METTL3: variants seen among roughly 807,000 people sequenced by gnomAD.
METTL3 encodes N(6)-adenosine-methyltransferase catalytic subunit METTL3.
In METTL3, 42 loss-of-function variants were observed where a neutral mutation model predicts 64.3. The observed-to-expected ratio is 0.65, with a 90% CI of 0.51 to 0.84. The LOEUF (loss-of-function observed/expected upper bound fraction) is 0.84, where lower values mean the gene tolerates loss of function less well. Among genes scored for constraint, METTL3 ranks in the 40% least tolerant of loss-of-function variants. The probability of loss-of-function intolerance (pLI) is 0.00; values close to 1 mark genes in which losing one functional copy is unlikely to be tolerated. For synonymous variants in METTL3, 256 were observed against 263.6 expected, an observed-to-expected ratio of 0.97 and a Z score of 0.28; for missense variants, 435 against 722.3, an observed-to-expected ratio of 0.60 and a Z score of 4.56.
intron 2 of METTL3, 23 bp downstream of exon 2, chr14:21,503,641 T>G: frequency 6.2e-7 from 1 of 1,614,032 alleles, no homozygotes; most frequent in Non-Finnish European, 8.5e-7. Context: ...AAGTGGTAAA[T>G]CCTAACTCTG....
At chr14:21,501,570 A>T in intron 4 of METTL3, 158 bp downstream of exon 4, 1 of 888,608 alleles carries the variant, frequency 1.1e-6, no homozygotes, top group Non-Finnish European at 1.7e-6. Context: ...CTTCCCACAC[A>T]ATGCACTTCT....
chr14:21,501,993 C>A, intron 3 of METTL3, 90 bp from the exon 4 acceptor site: 303 of 892,208 alleles, frequency 3.4e-4, no homozygotes, highest in Non-Finnish European at 4.9e-4. Flanking sequence ...ACATTAATGT[C>A]TTCTAAGAGA....
Position 21,498,295 on chromosome 14 carries a change from T to C in METTL3, c.1706A>G (p.Tyr569Cys). The C allele has an allele frequency of 6.2e-7, 1 of 1,613,450 alleles. No individual in the cohort carries two copies. The highest frequency in any genetic ancestry group is 8.5e-7 in the Non-Finnish European group (1 of 1,179,324). The part of the protein sequence containing the change: ...PDVVARFKQR[Y>C]PDGIISKPKN... ...AGGTTTAGAGATGATACCATCTGGG[T>C]ACCTTTGCTTGAACCGTGCAACCAC... Residue 569 changes from tyrosine to cysteine, a missense_variant, in exon 11 of 11, where the codon TAC becomes TGC. Tyr to Cys is a radical substitution (Grantham distance 194). Coordinates refer to ENST00000298717, the MANE Select transcript of METTL3 (RefSeq NM_019852.5).
Position 21,510,955 on chromosome 14 carries a change from A to G in METTL3, c.100+169T>C, listed in dbSNP as rs1891820548. The stretch of plus-strand genomic sequence containing the variant: ...CCAGCGTGAGGAGGAACCGCGAACT[A>G]CTTGCAGAAGGGCGAACGTCTGCTG... On this transcript the variant is annotated intron_variant, in intron 1 of 10. Coordinates refer to ENST00000298717, the MANE Select transcript of METTL3 (RefSeq NM_019852.5). 22 of 723,386 alleles carry G rather than the reference A, an allele frequency of 3.0e-5. No individual in the cohort carries two copies. The South Asian group carries it at 4.4e-4, about 15-fold the overall frequency. 44.8% of individuals were successfully genotyped at this position (723,386 alleles called of 1,614,324 possible).
At chr14:21,501,324 C>T in intron 4 of METTL3, 195 bp from the exon 5 acceptor site, 2 of 591,180 alleles carry the variant, frequency 3.4e-6, no homozygotes, top group South Asian at 2.1e-5. Context: ...TAATTCCTCT[C>T]TGAGTAAAGA....
intron 6 of METTL3, 84 bp downstream of exon 6, chr14:21,500,411 T>C: frequency 7.2e-7 from 1 of 1,379,636 alleles, no homozygotes; most frequent in Non-Finnish European, 1.0e-6. Flanking sequence ...ATAGTGGGGC[T>C]AGGAAAACCC....
At chr14:21,505,065 G>A (rs533500755) in intron 1 of METTL3, 2 of 152,178 alleles carry the variant, frequency 1.3e-5, no homozygotes, top group Non-Finnish European at 2.9e-5. Context: ...CACTGTGAGA[G>A]GCCAAGGTGG....
At chr14:21,500,783 TA>T in intron 5 of METTL3, 101 bp from the exon 6 acceptor site, 1 of 1,441,374 alleles carries the variant, frequency 6.9e-7, no homozygotes, top group Non-Finnish European at 9.5e-7. Context: ...CTTAAAAGCT[TA>T]TCTATCCCCC....
chr14:21,499,036 C>T lies in METTL3; in HGVS notation c.1620G>A (p.Val540=). The T allele has an allele frequency of 6.2e-7, 1 of 1,613,264 alleles. No individual in the cohort carries two copies. Residue 540 remains valine, a synonymous_variant, in exon 10 of 11, where the codon GTG becomes GTA. Transcript: ENST00000298717. ...KIELFGRPHN[V]QPNWITLGNQ... The stretch of plus-strand genomic sequence containing the variant: ...TCTGGTCACCTTACCAGTTGGGTTG[C>T]ACATTGTGTGGTCGTCCAAATAACT...
chr14:21,501,894 CCTGA>C lies in METTL3; in HGVS notation c.729_732del (p.Ser243ArgfsTer4), dbSNP rs1891577015. 1.2e-6 allele frequency: 2 copies of C among 1,613,898 alleles called. No individual in the cohort carries two copies. The highest frequency in any genetic ancestry group is 8.5e-7 in the Non-Finnish European group (1 of 1,179,952). ...GTAGTATTTAATAGCTCTAGGATCTCCTGACTGACCTGTGACAGAAGTAGCCTTG... is the reference window on the plus strand; with the variant it reads ...GTAGTATTTAATAGCTCTAGGATCTCCTGACCTGTGACAGAAGTAGCCTTG... On this transcript the variant is annotated frameshift_variant, in exon 4 of 11. Coordinates refer to ENST00000298717, the MANE Select transcript of METTL3 (RefSeq NM_019852.5). LOFTEE classifies it high-confidence loss of function.
chr14:21,498,915 G>T, intron 10 of METTL3, 110 bp downstream of exon 10: 1 of 718,800 alleles, frequency 1.4e-6, no homozygotes, highest in Non-Finnish European at 2.4e-6. Context: ...TATGAATCCT[G>T]TGAAGCTCAT....
Position 21,503,517 on chromosome 14 carries a change from C to G in METTL3, c.379G>C (p.Glu127Gln), listed in dbSNP as rs995046733. Residue 127 changes from glutamate (E) to glutamine (Q), a missense_variant, in exon 3 of 11, where the codon GAG becomes CAG. This residue lies in a region of METTL3 where 228 missense variants were observed against 279.6 expected (regional missense o/e 0.82). Coordinates refer to ENST00000298717, the MANE Select transcript of METTL3 (RefSeq NM_019852.5). ...AGACCTCGCTTTACCTCAATCAACT[C>G]CTGAGCTGCAAACTTCTGCAGGAGG... ...ESLLQKFAAQ[E>Q]LIEVKRGLLQ... 19 of 1,611,924 alleles carry G rather than the reference C, an allele frequency of 1.2e-5. No individual in the cohort carries two copies. The highest frequency in any genetic ancestry group is 1.6e-5 in the Non-Finnish European group (19 of 1,180,020).
chr14:21,508,825 C>A (rs1042367137), intron 1 of METTL3, among the ~76,000 whole-genome samples: 1 of 152,090 alleles, frequency 6.6e-6, no homozygotes, highest in Non-Finnish European at 1.5e-5. Context: ...ACCTGGGAGG[C>A]GGAGGTTGCG....
At chr14:21,506,464 G>A (rs1891699609) in intron 1 of METTL3, among the ~76,000 whole-genome samples, 2 of 152,188 alleles carry the variant, frequency 1.3e-5, no homozygotes, top group South Asian at 2.1e-4. Context: ...TAAGGCAGGA[G>A]AATGGGGTGA....
chr14:21,499,950 A>C (rs1891517499), intron 6 of METTL3, 148 bp from the exon 7 acceptor site: 4 of 719,970 alleles, frequency 5.6e-6, no homozygotes, highest in South Asian at 5.2e-5. Flanking sequence ...TGGTGGATCT[A>C]AGAACGAAAA....
chr14:21,498,784 T>C (rs1187718312), intron 10 of METTL3: 3 of 512,288 alleles, frequency 5.9e-6, no homozygotes, highest in East Asian at 3.3e-5. Context: ...AGGAAGATCC[T>C]TGGGTTGTGA....
chr14:21,500,354 ACT>A (rs1566491130), intron 6 of METTL3, 139 bp downstream of exon 6: 13 of 744,468 alleles, frequency 1.7e-5, no homozygotes, highest in Middle Eastern at 3.8e-4. Flanking sequence ...ACACAGTGAG[ACT>A]CTCTCAAAAA....
At position 21,503,968 on chromosome 14, in the gene METTL3, T is replaced by C. The variant is rs1209579452; in HGVS notation, c.101-87A>G. The stretch of plus-strand genomic sequence containing the variant: ...GAAGTCAAATTCTCTAGCATTCCCA[T>C]ACACAGATCTTTCATTTTGTGCAGG... On this transcript the variant is annotated intron_variant, in intron 1 of 10. Transcript: ENST00000298717. 4.2e-6 allele frequency: 5 copies of C among 1,202,038 alleles called. No individual in the cohort carries two copies. The African/African-American group carries it at 6.1e-5, about 15-fold the overall frequency. 74.5% of individuals were successfully genotyped at this position (1,202,038 alleles called of 1,614,324 possible). A position where few individuals can be genotyped will look rare whatever the true frequency, so the allele number is the denominator to read the frequency against.
chr14:21,503,082 T>G (rs774887485), intron 3 of METTL3, 91 bp downstream of exon 3: 7 of 1,371,676 alleles, frequency 5.1e-6, no homozygotes, highest in Admixed American at 2.1e-5. Flanking sequence ...GAACCACTGC[T>G]GTAAACAGTT....
Sources: gnomAD v4.1 joint callset for allele counts (sites outside exome capture counted in the v4.1 genomes callset) on GRCh38, gnomAD v4.1.1 for gene constraint, gnomAD v4.1.1 regional missense constraint, MANE v1.5 for transcripts, NCBI Gene and HGNC (gene_info 2026-07-23, HGNC 2026-07-21) for gene names.